C17orf78: variants seen among roughly 807,000 people sequenced by gnomAD.
The protein encoded by C17orf78 is uncharacterized protein C17orf78.
C17orf78 carries 27 observed loss-of-function variants against 31.8 expected under a neutral mutation model. The ratio of observed to expected loss-of-function variants is 0.85; its 90% CI spans 0.63 to 1.17. The LOEUF (loss-of-function observed/expected upper bound fraction) is 1.17. Ranked by LOEUF, C17orf78 falls within the 50% of genes most tolerant of loss-of-function variation. The pLI, the probability that C17orf78 is intolerant of heterozygous loss-of-function variation, is 0.00. For missense variants in C17orf78, 258 were observed against 315.2 expected (o/e 0.82, Z 1.37); for synonymous variants, 106 against 115.1 (o/e 0.92, Z 0.51).
chr17:37,382,408 C>T (rs1035229984), intron 3 of C17orf78, among the ~76,000 whole-genome samples: 14 of 151,616 alleles, frequency 9.2e-5, no homozygotes, highest in African/African-American at 2.9e-4. Context: ...CTGGCAGTCC[C>T]CTAGATGCTA....
rs1360412268 is a variant in C17orf78, at chr17:37,385,934, G to C, written c.392-75G>C. On this transcript the variant is annotated intron_variant, in intron 3 of 6. Coordinates refer to ENST00000615133, the MANE Select transcript of C17orf78 (RefSeq NM_173625.5). ...TTGGAAGTTTACTATCAGCTGGGCAGGGTTTCATCAGATAAAACCAAAGGC... is the reference window on the plus strand; with the variant it reads ...TTGGAAGTTTACTATCAGCTGGGCACGGTTTCATCAGATAAAACCAAAGGC... The C allele has an allele frequency of 7.2e-6, 7 of 968,062 alleles. No homozygotes were observed. The East Asian group carries it at 1.9e-4, about 26-fold the overall frequency. The allele number at this position is 968,062 out of a possible 1,614,324, so 60.0% of individuals were successfully genotyped here. A position where few individuals can be genotyped will look rare whatever the true frequency, so the allele number is the denominator to read the frequency against.
At chr17:37,389,489 C>T (rs543001575) in intron 6 of C17orf78, 127 bp downstream of exon 6, 35 of 1,310,376 alleles carry the variant, frequency 2.7e-5, no homozygotes, top group East Asian at 1.3e-4. Flanking sequence ...CTGAGGTGAT[C>T]GAGACCAGCC....
chr17:37,390,175 T>TATATATATAG (rs60788220), intron 6 of C17orf78, among the ~76,000 whole-genome samples: 1 of 44,508 alleles, frequency 2.2e-5, no homozygotes, highest in East Asian at 6.3e-4. Context: ...TATATATATA[T>TATATATATAG]ACACACACAC....
intron 6 of C17orf78, 41 bp from the exon 7 acceptor site, chr17:37,391,606 T>C: frequency 6.4e-7 from 1 of 1,570,770 alleles, no homozygotes; most frequent in South Asian, 1.1e-5. Context: ...ACTATACACT[T>C]GCATCCTTTT....
At chr17:37,387,756 T>C (rs2050609125) in intron 4 of C17orf78, 1 of 148,428 alleles carries the variant, frequency 6.7e-6, no homozygotes, top group Non-Finnish European at 1.5e-5. Context: ...TTCTTCACTG[T>C]TTTTTTAGCA....
rs576334222 is a variant in C17orf78 at position 37,388,189 on chromosome 17, T to C, written c.509-481T>C. On this transcript the variant is annotated intron_variant, in intron 4 of 6. Transcript: ENST00000615133. ...TGCATATTAGCCATTTGCCGCCAGA[T>C]TGAGCTTCTGACCCAGAAGCAGTGC... Among the ~76,000 whole-genome samples the C allele has an allele frequency of 4.0e-3, 613 of 152,134 alleles. 5 individuals carry two copies. Among genetic ancestry groups the C allele is most frequent in the African/African-American group, 0.014 (579 of 41,526 alleles).
At chr17:37,379,424 G>C in intron 3 of C17orf78, 42 bp downstream of exon 3, 1 of 1,590,376 alleles carries the variant, frequency 6.3e-7, no homozygotes, top group African/African-American at 1.3e-5. Flanking sequence ...CTAACTTTTA[G>C]TTGACATCCT....
intron 3 of C17orf78, among the ~76,000 whole-genome samples, chr17:37,380,394 G>A (rs1283963546): frequency 2.0e-5 from 3 of 151,422 alleles, no homozygotes; most frequent in Non-Finnish European, 4.4e-5. Context: ...CCTGCACAAT[G>A]TGCACATGTA....
chr17:37,379,464 A>C, intron 3 of C17orf78, 82 bp downstream of exon 3: 1 of 1,459,554 alleles, frequency 6.9e-7, no homozygotes, highest in Non-Finnish European at 9.2e-7. Context: ...GTAGCAGGAA[A>C]AGCTACAAGA....
rs1227394597 is a variant in C17orf78, at chr17:37,379,121, G to T, written c.146-16G>T. On this transcript the variant is annotated splice_polypyrimidine_tract_variant and intron_variant, in intron 2 of 6. Coordinates refer to ENST00000615133, the MANE Select transcript of C17orf78 (RefSeq NM_173625.5). ...AAAACCAGCTCCATTTTTCTATCTG[G>T]TTCTTCTCCTTCCAGAAACTCACAC... is the stretch of plus-strand genomic sequence containing the variant. 5 of 1,607,242 alleles carry T rather than the reference G, an allele frequency of 3.1e-6. No individual in the cohort carries two copies. In the African/African-American group the frequency reaches 5.4e-5, roughly 17 times the overall value.
intron 3 of C17orf78, among the ~76,000 whole-genome samples, chr17:37,385,366 G>A (rs1481349033): frequency 1.3e-5 from 2 of 152,088 alleles, no homozygotes; most frequent in African/African-American, 4.8e-5. Context: ...TCAGCTACTT[G>A]GGAGGCTGAG....
At chr17:37,377,843 C>T (rs755649634) in intron 1 of C17orf78, 36 bp from the exon 2 acceptor site, 4 of 1,533,118 alleles carry the variant, frequency 2.6e-6, no homozygotes, top group Non-Finnish European at 3.6e-6. Flanking sequence ...CCCAAACCTT[C>T]CCCGGTTCCC....
chr17:37,384,629 G>A (rs976732868), intron 3 of C17orf78, among the ~76,000 whole-genome samples: 2 of 150,648 alleles, frequency 1.3e-5, no homozygotes, highest in African/African-American at 4.9e-5. Context: ...TTTATCTAAT[G>A]TGACTTATAA....
At chr17:37,388,895 T>G in intron 5 of C17orf78, 101 bp downstream of exon 5, 2 of 1,440,334 alleles carry the variant, frequency 1.4e-6, no homozygotes, top group Non-Finnish European at 1.9e-6. Context: ...GACTTTGGAA[T>G]TTGAGGAGAT....
Position 37,391,813 on chromosome 17 carries a change from A to T in C17orf78, c.*89A>T, listed in dbSNP as rs1315778189. The T allele has an allele frequency of 1.7e-5, 20 of 1,156,904 alleles. No homozygotes were observed. The highest frequency in any genetic ancestry group is 2.3e-5 in the Non-Finnish European group (18 of 773,982). 71.7% of individuals were successfully genotyped at this position (1,156,904 alleles called of 1,614,324 possible). Reference sequence around the variant, plus strand: ...ACATTCTTGCCAATTTCACACTTGTATCTTCAGCAGGGACATTACAATCAA... The same window carrying T: ...ACATTCTTGCCAATTTCACACTTGTTTCTTCAGCAGGGACATTACAATCAA... On this transcript the variant is annotated 3_prime_UTR_variant, in exon 7 of 7. Transcript: ENST00000615133.
At chr17:37,381,102 T>C (rs896332403) in intron 3 of C17orf78, among the ~76,000 whole-genome samples, 1 of 152,072 alleles carries the variant, frequency 6.6e-6, no homozygotes, top group African/African-American at 2.4e-5. Flanking sequence ...TTTAAAAACA[T>C]AAATGGTAAC....
chr17:37,391,090 T>C (rs187747925), intron 6 of C17orf78, among the ~76,000 whole-genome samples: 42 of 151,428 alleles, frequency 2.8e-4, no homozygotes, highest in Middle Eastern at 3.4e-3. Flanking sequence ...TACAAAAAAT[T>C]AGCCAGGCAT....
Position 37,388,761 on chromosome 17 carries a change from T to C in C17orf78, c.600T>C (p.Ile200=), listed in dbSNP as rs1171823192. The change falls in exon 5 of 7, where the codon ATT becomes ATC. Residue 200 remains isoleucine (I), a synonymous_variant. Transcript: ENST00000615133. ...CCCTGTTGCTCAGTGGAGTTGCCAT[T>C]ATAGTATTTGTAATTTTTGAAGTCC... The part of the protein sequence containing the change: ...AVTLLLSGVA[I]IVFVIFEVPC... The C allele has an allele frequency of 1.2e-6, 2 of 1,613,044 alleles. No homozygotes were observed. The highest frequency in any genetic ancestry group is 4.5e-5 in the East Asian group (2 of 44,882).
At position 37,390,610 on chromosome 17, in the gene C17orf78, G is replaced by C. The variant is rs541256358; in HGVS notation, c.751-1037G>C. ...CCACTATACTCCAGCCTGGGTGACA[G>C]AGCAAGACTCCGTCTCAAAAAGAGA... On this transcript the variant is annotated intron_variant, in intron 6 of 6. Coordinates refer to ENST00000615133, the MANE Select transcript of C17orf78 (RefSeq NM_173625.5). Among the ~76,000 whole-genome samples the C allele has an allele frequency of 8.0e-4, 120 of 149,550 alleles. 1 individual carries two copies. Among genetic ancestry groups the C allele is most frequent in the African/African-American group, 2.9e-3 (117 of 40,592 alleles).
Sources: gnomAD v4.1 joint callset for allele counts (sites outside exome capture counted in the v4.1 genomes callset) on GRCh38, gnomAD v4.1.1 for gene constraint, MANE v1.5 for transcripts, NCBI Gene and HGNC (gene_info 2026-07-23, HGNC 2026-07-21) for gene names.